FNDC3B: variants seen among roughly 807,000 people sequenced by gnomAD.
FNDC3B encodes fibronectin type III domain containing 3B, also known as fibronectin type III domain-containing protein 3B.
A neutral mutation model predicts 151.5 loss-of-function variants in FNDC3B; 12 were observed. That is an observed-to-expected ratio of 0.08 (90% CI 0.05 to 0.13). The LOEUF (loss-of-function observed/expected upper bound fraction) is 0.13. Ranked by LOEUF, FNDC3B falls within the 10% of genes least tolerant of loss-of-function variation. The pLI, the probability that FNDC3B is intolerant of heterozygous loss-of-function variation, is 1.00. For synonymous variants in FNDC3B, 528 were observed against 549.0 expected, an observed-to-expected ratio of 0.96 and a Z score of 0.54; for missense variants, 1,214 against 1,505.3, an observed-to-expected ratio of 0.81 and a Z score of 3.20.
rs141201285 is a variant in FNDC3B at position 172,344,148 on chromosome 3, G to A, written c.2140G>A (p.Glu714Lys). Reference sequence around the variant, plus strand: ...GTACAGCGTGGAGATGACGGAGCCCGAAGACGTAGCCTCGGAAGTGTACCA... The same window carrying A: ...GTACAGCGTGGAGATGACGGAGCCCAAAGACGTAGCCTCGGAAGTGTACCA... The part of the protein sequence containing the change: ...SEYSVEMTEP[E>K]DVASEVYHGP... The change falls in exon 19 of 26, where the codon GAA becomes AAA. Residue 714 changes from glutamate to lysine, a missense_variant. Glu to Lys is a moderately conservative substitution (Grantham distance 56). Coordinates refer to ENST00000415807, the MANE Select transcript of FNDC3B (RefSeq NM_022763.4). The A allele has an allele frequency of 6.6e-5, 107 of 1,614,050 alleles. No individual in the cohort carries two copies. The highest frequency in any genetic ancestry group is 1.6e-4 in the Middle Eastern group (1 of 6,084).
chr3:172,199,486 T>A (rs941432187), intron 3 of FNDC3B, among the ~76,000 whole-genome samples: 10 of 152,210 alleles, frequency 6.6e-5, no homozygotes, highest in African/African-American at 2.4e-4. Flanking sequence ...GCTAGAATAT[T>A]TTATTTTTGA....
chr3:172,182,000 T>C (rs2108655126), intron 3 of FNDC3B, among the ~76,000 whole-genome samples: 1 of 152,322 alleles, frequency 6.6e-6, no homozygotes, highest in African/African-American at 2.4e-5. Flanking sequence ...AGCAGGCCTG[T>C]TGCATTACCA....
intron 13 of FNDC3B, 90 bp from the exon 14 acceptor site, chr3:172,332,999 G>C: frequency 1.2e-6 from 1 of 837,300 alleles, no homozygotes; most frequent in Non-Finnish European, 2.1e-6. Context: ...GGTGATGGTA[G>C]GGAAAGGCAG....
chr3:172,114,233 A>C (rs781772317), intron 2 of FNDC3B, among the ~76,000 whole-genome samples: 1 of 152,064 alleles, frequency 6.6e-6, no homozygotes, highest in South Asian at 2.1e-4. Flanking sequence ...ACTGTGCTCA[A>C]GTAGTTCATG....
chr3:172,359,845 G>C (rs1734282469), intron 22 of FNDC3B, among the ~76,000 whole-genome samples: 1 of 152,092 alleles, frequency 6.6e-6, no homozygotes, highest in African/African-American at 2.4e-5. Context: ...GAAAAGTAAG[G>C]CCCTTTGTAA....
chr3:172,330,400 C>T (rs923797472), intron 12 of FNDC3B, 141 bp from the exon 13 acceptor site: 1 of 630,726 alleles, frequency 1.6e-6, no homozygotes, highest in African/African-American at 1.8e-5. Context: ...TAGGGAATAT[C>T]ACACACAGCA....
chr3:172,346,509 T>C, intron 20 of FNDC3B, 69 bp downstream of exon 20: 1 of 936,022 alleles, frequency 1.1e-6, no homozygotes, highest in Non-Finnish European at 1.7e-6. Flanking sequence ...ATACCAATTA[T>C]AAGGAAGCTG....
rs1576981021 is a variant in FNDC3B, at chr3:172,400,844, G to C, written c.*3369G>C. ...CGATCTCAGCTCACTGCAACCTCCA[G>C]CTCCCAGGTTCAAGTGATTCCCCTG... On this transcript the variant is annotated 3_prime_UTR_variant, in exon 26 of 26. Coordinates refer to ENST00000415807, the MANE Select transcript of FNDC3B (RefSeq NM_022763.4). 6.8e-6 allele frequency: 1 copy of C among 147,178 alleles called. No individual in the cohort carries two copies. The highest frequency in any genetic ancestry group is 2.2e-4 in the South Asian group (1 of 4,634). 9.1% of individuals were successfully genotyped at this position (147,178 alleles called of 1,614,324 possible).
At chr3:172,297,007 G>A (rs1266908719) in intron 8 of FNDC3B, among the ~76,000 whole-genome samples, 2 of 152,102 alleles carry the variant, frequency 1.3e-5, no homozygotes, top group Non-Finnish European at 2.9e-5. Context: ...TGCCCAGAGA[G>A]GCTCAGCAGG....
chr3:172,169,705 CGAGT>C (rs1723193728), intron 3 of FNDC3B, among the ~76,000 whole-genome samples: 1 of 152,172 alleles, frequency 6.6e-6, no homozygotes, highest in Non-Finnish European at 1.5e-5. Context: ...ATGTTACCTA[CGAGT>C]GAGTGAGAAA....
intron 25 of FNDC3B, among the ~76,000 whole-genome samples, chr3:172,390,673 T>C (rs545133900): frequency 6.6e-6 from 1 of 152,070 alleles, no homozygotes. Context: ...TTAAAATAGA[T>C]ATAAATATAT....
At position 172,401,525 on chromosome 3, in the gene FNDC3B, A is replaced by G. The variant is rs1196254937; in HGVS notation, c.*4050A>G. 1.3e-5 allele frequency: 2 copies of G among 152,336 alleles called. No individual in the cohort carries two copies. The highest frequency in any genetic ancestry group is 2.9e-5 in the Non-Finnish European group (2 of 68,124). 9.4% of individuals were successfully genotyped at this position (152,336 alleles called of 1,614,324 possible). ...ATACTTTATCTGTCTACCAAAACTC[A>G]GTCCAGATCTCCCTCTGTTCACCTG... On this transcript the variant is annotated 3_prime_UTR_variant, in exon 26 of 26. Coordinates refer to ENST00000415807, the MANE Select transcript of FNDC3B (RefSeq NM_022763.4).
At chr3:172,174,994 G>A (rs530554503) in intron 3 of FNDC3B, among the ~76,000 whole-genome samples, 1 of 126,586 alleles carries the variant, frequency 7.9e-6, no homozygotes, top group Non-Finnish European at 1.6e-5. Context: ...TTCCTCTCTG[G>A]CCATGCTTTC....
intron 3 of FNDC3B, among the ~76,000 whole-genome samples, chr3:172,174,154 A>G (rs1225168190): frequency 1.3e-5 from 2 of 152,132 alleles, no homozygotes; most frequent in Non-Finnish European, 2.9e-5. Flanking sequence ...ATTCTCTTTT[A>G]CCAAAGAGCG....
chr3:172,194,844 CCA>C (rs1724742915), intron 3 of FNDC3B, among the ~76,000 whole-genome samples: 2 of 152,094 alleles, frequency 1.3e-5, no homozygotes, highest in Admixed American at 1.3e-4. Context: ...AATTCTAATA[CCA>C]TGGTGAATGG....
chr3:172,314,013 C>T (rs1216149337), intron 11 of FNDC3B, among the ~76,000 whole-genome samples: 20 of 152,212 alleles, frequency 1.3e-4, no homozygotes, highest in Non-Finnish European at 1.5e-5. Flanking sequence ...AGGAGAACGG[C>T]ATCTGGTCTG....
At position 172,344,144 on chromosome 3, in the gene FNDC3B, G is replaced by A; in HGVS notation, c.2136G>A (p.Glu712=). ...EVSEYSVEMT[E]PEDVASEVYH... Reference sequence around the variant, plus strand: ...CAGAGTACAGCGTGGAGATGACGGAGCCCGAAGACGTAGCCTCGGAAGTGT... The same window carrying A: ...CAGAGTACAGCGTGGAGATGACGGAACCCGAAGACGTAGCCTCGGAAGTGT... Residue 712 remains glutamate, a synonymous_variant, in exon 19 of 26, where the codon GAG becomes GAA. Transcript: ENST00000415807. The A allele has an allele frequency of 6.2e-7, 1 of 1,614,220 alleles. No individual in the cohort carries two copies. Among genetic ancestry groups the A allele is most frequent in the South Asian group, 1.1e-5 (1 of 91,088 alleles).
intron 16 of FNDC3B, among the ~76,000 whole-genome samples, chr3:172,338,655 A>G (rs1733117214): frequency 6.6e-6 from 1 of 152,246 alleles, no homozygotes; most frequent in South Asian, 2.1e-4. Context: ...AGAGAAAAGT[A>G]TAGTCTTCAA....
chr3:172,389,912 T>C (rs1254020542), intron 25 of FNDC3B, among the ~76,000 whole-genome samples: 1 of 152,210 alleles, frequency 6.6e-6, no homozygotes, highest in Non-Finnish European at 1.5e-5. Context: ...AGAAACTACA[T>C]GTTTTCTATC....
Sources: gnomAD v4.1 joint callset for allele counts (sites outside exome capture counted in the v4.1 genomes callset) on GRCh38, gnomAD v4.1.1 for gene constraint, MANE v1.5 for transcripts, NCBI Gene and HGNC (gene_info 2026-07-23, HGNC 2026-07-21) for gene names.